THSD7B: variants seen among roughly 807,000 people sequenced by gnomAD.
The protein encoded by THSD7B is thrombospondin type-1 domain-containing protein 7B.
THSD7B carries 138 observed loss-of-function variants against 213.6 expected under a neutral mutation model. The ratio of observed to expected loss-of-function variants is 0.65; its 90% CI spans 0.56 to 0.74. THSD7B has a LOEUF of 0.74. Among genes scored for constraint, THSD7B ranks in the 30% least tolerant of loss-of-function variants. The pLI is 0.00. For synonymous variants in THSD7B, 742 were observed against 687.0 expected (o/e 1.08, Z -1.25); for missense variants, 1,931 against 1,991.5 (o/e 0.97, Z 0.58).
chr2:137,616,940 A>T (rs1332130710), intron 18 of THSD7B, among the ~76,000 whole-genome samples: 4 of 152,184 alleles, frequency 2.6e-5, no homozygotes, highest in Non-Finnish European at 5.9e-5. Context: ...GCTACAAAAT[A>T]TGGAACCATG....
chr2:136,922,895 G>A (rs572478977), intron 2 of THSD7B, among the ~76,000 whole-genome samples: 67 of 152,164 alleles, frequency 4.4e-4, no homozygotes, highest in African/African-American at 1.5e-3. Flanking sequence ...ATTTGTTCAT[G>A]GAGTTTATGT....
In THSD7B at chr2:136,826,018, G is replaced by A. The variant is rs140665817; in HGVS notation, c.-35-56126G>A. Reference sequence around the variant, plus strand: ...ACAGGCCCTGGGGATTCGGATGTAGGCATCTTATGGGAGGGGCATTATTCT... The same window carrying A: ...ACAGGCCCTGGGGATTCGGATGTAGACATCTTATGGGAGGGGCATTATTCT... On this transcript the variant is annotated intron_variant, in intron 1 of 27. Transcript: ENST00000409968. Among the ~76,000 whole-genome samples the A allele has an allele frequency of 5.3e-5, 8 of 152,218 alleles. No homozygotes were observed. The East Asian group carries it at 1.6e-3, about 30-fold the overall frequency.
chr2:137,056,909 C>T lies in THSD7B; in HGVS notation c.629C>T (p.Pro210Leu), dbSNP rs1387023657. ...AGAACTCGCGCGGTCATAGCTCCCC[C>T]TCTCTTTGGTGGTTTGCAATGTCCA... Reference protein sequence around the residue: ...QHRTRAVIAPPLFGGLQCPNL... With the variant: ...QHRTRAVIAPLLFGGLQCPNL... Residue 210 changes from proline (P) to leucine (L), a missense_variant, in exon 3 of 28, where the codon CCT (proline) becomes CTT (leucine). Physicochemically the swap from Pro to Leu is moderately conservative, Grantham distance 98. Coordinates refer to ENST00000409968, the MANE Select transcript of THSD7B (RefSeq NM_001316349.2). 1.2e-6 allele frequency: 2 copies of T among 1,613,896 alleles called. No individual in the cohort carries two copies. The highest frequency in any genetic ancestry group is 1.7e-6 in the Non-Finnish European group (2 of 1,179,848).
intron 2 of THSD7B, among the ~76,000 whole-genome samples, chr2:137,054,608 T>G (rs1687126095): frequency 6.6e-6 from 1 of 152,134 alleles, no homozygotes; most frequent in African/African-American, 2.4e-5. Flanking sequence ...AATGAAAATA[T>G]TTTTCATGGA....
At chr2:136,797,282 A>T (rs1300418921) in intron 1 of THSD7B, among the ~76,000 whole-genome samples, 1 of 151,974 alleles carries the variant, frequency 6.6e-6, no homozygotes, top group Non-Finnish European at 1.5e-5. Context: ...GTCAAGGGAA[A>T]GATGTAAATA....
chr2:137,122,405 T>C (rs898849980), intron 5 of THSD7B, among the ~76,000 whole-genome samples: 2 of 152,102 alleles, frequency 1.3e-5, no homozygotes, highest in Non-Finnish European at 2.9e-5. Flanking sequence ...ACCTGGGCCT[T>C]AAAGGAAGTT....
At chr2:137,041,710 T>A (rs1303916420) in intron 2 of THSD7B, among the ~76,000 whole-genome samples, 1 of 151,494 alleles carries the variant, frequency 6.6e-6, no homozygotes, top group Non-Finnish European at 1.5e-5. Flanking sequence ...CTGTTTCTTA[T>A]GTATTGTTAT....
At chr2:137,548,715 T>G (rs2218708) in intron 15 of THSD7B, among the ~76,000 whole-genome samples, 11,030 of 152,056 alleles carry the variant, frequency 0.073, 434 homozygotes, top group African/African-American at 0.086. Context: ...TTAACAAATC[T>G]CCCTTTCAAA....
In THSD7B at chr2:137,411,601, T is replaced by C. The variant is rs756371023; in HGVS notation, c.2696-8T>C. On this transcript the variant is annotated splice_region_variant and splice_polypyrimidine_tract_variant and intron_variant, in intron 13 of 27. Coordinates refer to ENST00000409968, the MANE Select transcript of THSD7B (RefSeq NM_001316349.2). ...CATTTAATATCTTAATGTCTCTTGTTGGAACAGGGAAAAGCAGAAAGAAGG... is the reference window on the plus strand; with the variant it reads ...CATTTAATATCTTAATGTCTCTTGTCGGAACAGGGAAAAGCAGAAAGAAGG... 3 of 1,604,010 alleles carry C rather than the reference T, an allele frequency of 1.9e-6. No homozygotes were observed. The highest frequency in any genetic ancestry group is 2.6e-6 in the Non-Finnish European group (3 of 1,173,728).
At chr2:137,240,759 C>G (rs1363246620) in intron 9 of THSD7B, among the ~76,000 whole-genome samples, 1 of 152,156 alleles carries the variant, frequency 6.6e-6, no homozygotes, top group African/African-American at 2.4e-5. Flanking sequence ...AAGCAATACT[C>G]TTGCCTCGGC....
chr2:137,096,624 T>A (rs189495351), intron 4 of THSD7B, among the ~76,000 whole-genome samples: 2 of 152,210 alleles, frequency 1.3e-5, no homozygotes, highest in Non-Finnish European at 2.9e-5. Context: ...CCCTTCCTCG[T>A]TGTGTTGTGT....
chr2:137,021,273 C>G (rs1007312020), intron 2 of THSD7B, among the ~76,000 whole-genome samples: 1 of 152,184 alleles, frequency 6.6e-6, no homozygotes, highest in South Asian at 2.1e-4. Flanking sequence ...TGAAATGTTA[C>G]GAGTATGAGA....
At chr2:137,001,473 G>A (rs1426843849) in intron 2 of THSD7B, among the ~76,000 whole-genome samples, 1 of 152,096 alleles carries the variant, frequency 6.6e-6, no homozygotes, top group Non-Finnish European at 1.5e-5. Flanking sequence ...GGATTGCATT[G>A]CATTTGGTAT....
intron 3 of THSD7B, among the ~76,000 whole-genome samples, chr2:137,075,565 T>G (rs1687603475): frequency 1.3e-5 from 2 of 152,208 alleles, no homozygotes; most frequent in Non-Finnish European, 2.9e-5. Flanking sequence ...TTTGATCATC[T>G]GAAGCCTTCT....
At chr2:136,901,563 T>C (rs1684063909) in intron 2 of THSD7B, among the ~76,000 whole-genome samples, 1 of 152,224 alleles carries the variant, frequency 6.6e-6, no homozygotes, top group African/African-American at 2.4e-5. Context: ...ATTTTATAGC[T>C]ATTTAAACAC....
At chr2:136,781,523 C>T (rs1054604406) in intron 1 of THSD7B, among the ~76,000 whole-genome samples, 9 of 151,776 alleles carry the variant, frequency 5.9e-5, no homozygotes, top group East Asian at 3.9e-4. Context: ...CTGCCCTTCT[C>T]GGCCTCCCAA....
intron 14 of THSD7B, among the ~76,000 whole-genome samples, chr2:137,446,342 ACATCCGTTATG>A (rs1460349814): frequency 6.6e-6 from 1 of 152,072 alleles, no homozygotes; most frequent in African/African-American, 2.4e-5. Context: ...GCTTACACAT[ACATCCGTTATG>A]CTAACTCAGA....
intron 3 of THSD7B, among the ~76,000 whole-genome samples, chr2:137,079,390 A>G (rs1379502060): frequency 2.0e-5 from 3 of 152,096 alleles, no homozygotes; most frequent in African/African-American, 7.2e-5. Flanking sequence ...TTCTACACAT[A>G]GTTGCTGTTA....
chr2:137,210,447 T>C (rs1021570335), intron 7 of THSD7B, among the ~76,000 whole-genome samples: 2 of 152,112 alleles, frequency 1.3e-5, no homozygotes, highest in Non-Finnish European at 2.9e-5. Context: ...TATACATTCA[T>C]TTAAAATTAT....
Sources: allele counts gnomAD v4.1 joint callset (sites outside exome capture counted in the v4.1 genomes callset), GRCh38; gene constraint gnomAD v4.1.1; transcripts MANE v1.5; gene names NCBI Gene and HGNC (gene_info 2026-07-23, HGNC 2026-07-21).